ABCA3: variants seen among roughly 807,000 people sequenced by gnomAD.
The protein encoded by ABCA3 is phospholipid-transporting ATPase ABCA3.
ABCA3 carries 88 observed loss-of-function variants against 172.8 expected under a neutral mutation model. That is an observed-to-expected ratio of 0.51 (90% CI 0.43 to 0.61). ABCA3 has a LOEUF of 0.61. Among genes scored for constraint, ABCA3 ranks in the 20% least tolerant of loss-of-function variants. The probability of loss-of-function intolerance (pLI) is 0.00; values close to 1 mark genes in which losing one functional copy is unlikely to be tolerated. For synonymous variants in ABCA3, 1,066 were observed against 983.8 expected (o/e 1.08, Z -1.56); for missense variants, 2,164 against 2,301.0 (o/e 0.94, Z 1.22).
Position 2,332,332 on chromosome 16 carries a change from T to C in ABCA3, c.-538-2478A>G, listed in dbSNP as rs535023545. The C allele has an allele frequency of 9.5e-5, 69 of 725,360 alleles. No individual in the cohort carries two copies. In the South Asian group the frequency reaches 1.0e-3, roughly 11 times the overall value. 44.9% of individuals were successfully genotyped at this position (725,360 alleles called of 1,614,324 possible). ...ATGGGCTTATCGGTAGGATTTCTAGTAGCGAGCACAGGCACCAGGGCTTCT... is the reference window on the plus strand; with the variant it reads ...ATGGGCTTATCGGTAGGATTTCTAGCAGCGAGCACAGGCACCAGGGCTTCT... On this transcript the variant is annotated intron_variant, in intron 1 of 32. Coordinates refer to ENST00000301732, the MANE Select transcript of ABCA3 (RefSeq NM_001089.3).
At chr16:2,308,656 C>T (rs375188055) in intron 10 of ABCA3, 33 bp from the exon 11 acceptor site, 80 of 1,611,976 alleles carry the variant, frequency 5.0e-5, no homozygotes, top group South Asian at 3.1e-4. Flanking sequence ...GGGGCGTGAG[C>T]GTCAGTGCCC....
chr16:2,308,080 A>T (rs965492891), intron 11 of ABCA3, among the ~76,000 whole-genome samples: 5 of 151,740 alleles, frequency 3.3e-5, no homozygotes, highest in Admixed American at 3.3e-4. Context: ...TATTTAAAAT[A>T]AAAAAAAATG....
chr16:2,292,246 A>G lies in ABCA3; in HGVS notation c.2415-8T>C, dbSNP rs1428228797. The G allele has an allele frequency of 6.2e-7, 1 of 1,609,484 alleles. No homozygotes were observed. The highest frequency in any genetic ancestry group is 8.5e-7 in the Non-Finnish European group (1 of 1,176,374). On this transcript the variant is annotated splice_region_variant and splice_polypyrimidine_tract_variant and intron_variant, in intron 18 of 32. Transcript: ENST00000301732. ...GCAAAGAGACCTTCAAACCTGAAAA[A>G]CAGACCCAGCATTATGAGTCACTTC... is the stretch of plus-strand genomic sequence containing the variant.
Position 2,284,143 on chromosome 16 carries a change from G to T in ABCA3, c.3862+136C>A. On this transcript the variant is annotated intron_variant, in intron 25 of 32. Coordinates refer to ENST00000301732, the MANE Select transcript of ABCA3 (RefSeq NM_001089.3). This position sits in a 1 kb window ranked among gnomAD's most constrained non-coding sequence, Gnocchi z 5.9. ...CGAGGGGGCTGCTGTGGGAGGTGGG[G>T]CAAGGCGGTACAGAGGAACGCACCA... The T allele has an allele frequency of 1.7e-6, 2 of 1,160,084 alleles. No homozygotes were observed. Among genetic ancestry groups the T allele is most frequent in the Non-Finnish European group, 2.4e-6 (2 of 843,062 alleles). 71.9% of individuals were successfully genotyped at this position (1,160,084 alleles called of 1,614,324 possible). A position where few individuals can be genotyped will look rare whatever the true frequency, so the allele number is the denominator to read the frequency against.
Position 2,284,733 on chromosome 16 carries a change from C to T in ABCA3, c.3703+46G>A. The T allele has an allele frequency of 6.3e-6, 10 of 1,580,800 alleles. No homozygotes were observed. Among genetic ancestry groups the T allele is most frequent in the Non-Finnish European group, 8.6e-6 (10 of 1,162,154 alleles). On this transcript the variant is annotated intron_variant, in intron 24 of 32. Coordinates refer to ENST00000301732, the MANE Select transcript of ABCA3 (RefSeq NM_001089.3). This position sits in a 1 kb window ranked among gnomAD's most constrained non-coding sequence, Gnocchi z 5.9. Reference sequence around the variant, plus strand: ...GTGCCTCCCTGTCTGGGCGGAGTGGCTCCGTGGATGGCCATGGGGGCTGCG... The same window carrying T: ...GTGCCTCCCTGTCTGGGCGGAGTGGTTCCGTGGATGGCCATGGGGGCTGCG...
Position 2,304,061 on chromosome 16 carries a change from C to T in ABCA3, c.1375G>A (p.Asp459Asn). 6.2e-7 allele frequency: 1 copy of T among 1,614,198 alleles called. No homozygotes were observed. Among genetic ancestry groups the T allele is most frequent in the Non-Finnish European group, 8.5e-7 (1 of 1,180,038 alleles). The change falls in exon 12 of 33, where the codon GAC becomes AAC. Residue 459 changes from aspartate to asparagine, a missense_variant. By Grantham distance (23) the Asp-to-Asn change is conservative. Coordinates refer to ENST00000301732, the MANE Select transcript of ABCA3 (RefSeq NM_001089.3). Reference sequence around the variant, plus strand: ...GTCACCAGGCCATAGAGCACAGAGTCCAGCAGCAGCATCCCCAGCACCTGC... The same window carrying T: ...GTCACCAGGCCATAGAGCACAGAGTTCAGCAGCAGCATCCCCAGCACCTGC... ...FGQVLGMLLL[D>N]SVLYGLVTWY...
Position 2,289,456 on chromosome 16 carries a change from G to C in ABCA3, c.2678C>G (p.Thr893Ser). 3.8e-6 allele frequency: 6 copies of C among 1,590,538 alleles called. No individual in the cohort carries two copies. The highest frequency in any genetic ancestry group is 5.1e-6 in the Non-Finnish European group (6 of 1,170,494). The change falls in exon 20 of 33, where the codon ACC becomes AGC. Residue 893 changes from threonine to serine, a missense_variant. Coordinates refer to ENST00000301732, the MANE Select transcript of ABCA3 (RefSeq NM_001089.3). ...GIGALIEEER[T>S]AVKLNTGLAL... Reference sequence around the variant, plus strand: ...CACCCCAGTGTTGAGCTTGACAGCGGTGCGCTCCTCCTCGATGAGGGCTCC... The same window carrying C: ...CACCCCAGTGTTGAGCTTGACAGCGCTGCGCTCCTCCTCGATGAGGGCTCC...
intron 12 of ABCA3, among the ~76,000 whole-genome samples, chr16:2,302,512 G>T (rs1259981507): frequency 1.3e-5 from 2 of 150,930 alleles, no homozygotes; most frequent in Non-Finnish European, 3.0e-5. Context: ...TTGAGACAGG[G>T]TCTCATTTTT....
In ABCA3 at chr16:2,283,129, C is replaced by T; in HGVS notation, c.4035+57G>A. The T allele has an allele frequency of 6.4e-7, 1 of 1,564,938 alleles. No individual in the cohort carries two copies. Among genetic ancestry groups the T allele is most frequent in the Non-Finnish European group, 8.7e-7 (1 of 1,148,564 alleles). On this transcript the variant is annotated intron_variant, in intron 26 of 32. Transcript: ENST00000301732. This position sits in a 1 kb window ranked among gnomAD's most constrained non-coding sequence, Gnocchi z 5.4. ...GGAGCTGCCCCAGGTTGTGCTGGGC[C>T]CAAGCAGAGACGTGGGGAGCATCTC...
At chr16:2,322,654 C>T (rs1371376063) in intron 7 of ABCA3, among the ~76,000 whole-genome samples, 2 of 151,138 alleles carry the variant, frequency 1.3e-5, no homozygotes, top group East Asian at 3.9e-4. Context: ...AAAATTAATT[C>T]GAGATGGATT....
At position 2,326,210 on chromosome 16, in the gene ABCA3, A is replaced by C; in HGVS notation, c.119T>G (p.Ile40Ser). 6.2e-7 allele frequency: 1 copy of C among 1,614,092 alleles called. No homozygotes were observed. Among genetic ancestry groups the C allele is most frequent in the Non-Finnish European group, 8.5e-7 (1 of 1,180,036 alleles). The stretch of plus-strand genomic sequence containing the variant: ...CGACTGAATCTTCAAGCGGAGCCAG[A>C]TGAGGATCCCAGAAAACAGCAATGG... ...FLPLLFSGIL[I>S]WLRLKIQSEN... The change falls in exon 5 of 33, where the codon ATC becomes AGC. Residue 40 changes from isoleucine (I) to serine (S), a missense_variant. Coordinates refer to ENST00000301732, the MANE Select transcript of ABCA3 (RefSeq NM_001089.3).
chr16:2,319,924 G>A lies in ABCA3; in HGVS notation c.614-84C>T. The A allele has an allele frequency of 5.1e-6, 8 of 1,576,064 alleles. No homozygotes were observed. The South Asian group carries it at 7.8e-5, about 15-fold the overall frequency. On this transcript the variant is annotated intron_variant, in intron 7 of 32. Transcript: ENST00000301732. ...GGGCCACGTGCATGGGGTCCATGGG[G>A]GAAGAGATGCTTGGGGCAACAGAGT...
At position 2,276,079 on chromosome 16, in the gene ABCA3, C is replaced by T. The variant is rs537157538; in HGVS notation, c.*595G>A. 1.5e-4 allele frequency: 47 copies of T among 303,376 alleles called. No homozygotes were observed. The highest frequency in any genetic ancestry group is 1.1e-3 in the East Asian group (11 of 9,692). 18.8% of individuals were successfully genotyped at this position (303,376 alleles called of 1,614,324 possible). ...GCTGCTTCTAGGAGATGCTGTGGGA[C>T]GGTGCCCGGCTTCGCGGTGACTACC... On this transcript the variant is annotated 3_prime_UTR_variant, in exon 33 of 33. Coordinates refer to ENST00000301732, the MANE Select transcript of ABCA3 (RefSeq NM_001089.3).
rs569840321 is a variant in ABCA3 at position 2,281,295 on chromosome 16, G to A, written c.4165-74C>T. On this transcript the variant is annotated intron_variant, in intron 27 of 32. Transcript: ENST00000301732. This position sits in a 1 kb window ranked among gnomAD's most constrained non-coding sequence, Gnocchi z 4.7. The stretch of plus-strand genomic sequence containing the variant: ...GCAGAGCAGTCTGAGCCTCAGCGCC[G>A]AAAGCTTCCAGGGATGGGGTCGGAC... 4.0e-5 allele frequency: 64 copies of A among 1,613,102 alleles called. No homozygotes were observed. The Middle Eastern group carries it at 4.9e-4, about 12-fold the overall frequency.
rs574778198 is a variant in ABCA3 at position 2,301,103 on chromosome 16, C to T, written c.1468-955G>A. Among the ~76,000 whole-genome samples the T allele has an allele frequency of 6.9e-4, 104 of 151,360 alleles. 1 individual carries two copies. Among genetic ancestry groups the T allele is most frequent in the East Asian group, 1.6e-3 (8 of 5,128 alleles). On this transcript the variant is annotated intron_variant, in intron 12 of 32. Transcript: ENST00000301732. ...AAAATTAGCCGGGCGTGGTGGTGGG[C>T]GCCTATAGTCCCAGCTACTCGGGAG... is the stretch of plus-strand genomic sequence containing the variant.
intron 8 of ABCA3, 151 bp downstream of exon 8, chr16:2,319,430 A>T: frequency 2.7e-6 from 3 of 1,102,608 alleles, no homozygotes; most frequent in Non-Finnish European, 3.8e-6. Flanking sequence ...GCTTGCAGTG[A>T]GCCGAGATCG....
chr16:2,317,098 T>C (rs2093717126), intron 10 of ABCA3, among the ~76,000 whole-genome samples, 185 bp downstream of exon 10: 1 of 152,226 alleles, frequency 6.6e-6, no homozygotes. Flanking sequence ...CTGCCTTCTC[T>C]GAATTCTCCT....
chr16:2,276,934 G>A, intron 32 of ABCA3, 129 bp from the exon 33 acceptor site: 1 of 1,361,364 alleles, frequency 7.3e-7, no homozygotes, highest in African/African-American at 1.4e-5. Flanking sequence ...CGCCACCCCA[G>A]AGCCCCAGAG....
In ABCA3 at chr16:2,299,400, C is replaced by A; in HGVS notation, c.1741+3G>T. On this transcript the variant is annotated splice_donor_region_variant and intron_variant, in intron 14 of 32. Transcript: ENST00000301732. Reference sequence around the variant, plus strand: ...GCAGGGGCGTGAGGCGCCTGGCCCTCACCTGTGAGCATGGAGAGGGTGGTG... The same window carrying A: ...GCAGGGGCGTGAGGCGCCTGGCCCTAACCTGTGAGCATGGAGAGGGTGGTG... 2 of 1,613,580 alleles carry A rather than the reference C, an allele frequency of 1.2e-6. No individual in the cohort carries two copies. Among genetic ancestry groups the A allele is most frequent in the Non-Finnish European group, 1.7e-6 (2 of 1,179,958 alleles).
Sources: gnomAD v4.1 joint callset for allele counts (sites outside exome capture counted in the v4.1 genomes callset) on GRCh38, gnomAD v4.1.1 for gene constraint, Gnocchi (gnomAD v3.1) non-coding constraint, MANE v1.5 for transcripts, NCBI Gene and HGNC (gene_info 2026-07-23, HGNC 2026-07-21) for gene names.